Variants in PAPPA2 observed in about 807,000 individuals in gnomAD.
PAPPA2 encodes the protein pappalysin-2.
PAPPA2 carries 86 observed loss-of-function variants against 176.4 expected under a neutral mutation model. The ratio of observed to expected loss-of-function variants is 0.49; its 90% CI spans 0.41 to 0.58. The LOEUF (loss-of-function observed/expected upper bound fraction) is 0.58. Among genes scored for constraint, PAPPA2 ranks in the 20% least tolerant of loss-of-function variants. PAPPA2 has a pLI of 0.00. For synonymous variants in PAPPA2, 809 were observed against 852.2 expected, an observed-to-expected ratio of 0.95 and a Z score of 0.88; for missense variants, 2,073 against 2,256.9, an observed-to-expected ratio of 0.92 and a Z score of 1.65.
intron 1 of PAPPA2, among the ~76,000 whole-genome samples, chr1:176,528,839 C>G (rs182712188): frequency 1.3e-5 from 2 of 152,138 alleles, no homozygotes; most frequent in Non-Finnish European, 2.9e-5. Context: ...CTTTGCCATG[C>G]CTTCTCCCTG....
intron 21 of PAPPA2, among the ~76,000 whole-genome samples, chr1:176,838,061 C>T (rs1463725832): frequency 6.6e-6 from 1 of 152,074 alleles, no homozygotes; most frequent in African/African-American, 2.4e-5. Context: ...GTTCTCTTTC[C>T]AGATGACTCT....
At chr1:176,729,354 C>T (rs371244136) in intron 12 of PAPPA2, among the ~76,000 whole-genome samples, 3 of 151,968 alleles carry the variant, frequency 2.0e-5, no homozygotes, top group East Asian at 1.9e-4. Flanking sequence ...TCATCTGTTT[C>T]CTTTACCAGC....
At chr1:176,595,634 G>A (rs750604702) in intron 3 of PAPPA2, 39 bp downstream of exon 3, 7 of 1,547,586 alleles carry the variant, frequency 4.5e-6, no homozygotes, top group Non-Finnish European at 5.3e-6. Context: ...CTTGTAGGAT[G>A]CATTTCTAAC....
At chr1:176,494,953 G>C (rs1447767492) in intron 1 of PAPPA2, among the ~76,000 whole-genome samples, 1 of 152,172 alleles carries the variant, frequency 6.6e-6, no homozygotes, top group Non-Finnish European at 1.5e-5. Context: ...GTAGGTGAAG[G>C]AGGCTTGCAC....
chr1:176,711,953 T>A lies in PAPPA2; in HGVS notation c.3770T>A (p.Leu1257Gln), dbSNP rs376319655. 1.2e-6 allele frequency: 2 copies of A among 1,613,290 alleles called. No individual in the cohort carries two copies. Among genetic ancestry groups the A allele is most frequent in the African/African-American group, 2.7e-5 (2 of 74,984 alleles). ...AGGAGTGAACAGCCAGAAGGTAGCC[T>A]GAAGAAAGAGGATGAGGTTTGGCTC... is the stretch of plus-strand genomic sequence containing the variant. ...DDRSEQPEGS[L>Q]KKEDEVWLKV... Residue 1257 changes from leucine to glutamine, a missense_variant, in exon 12 of 23, where the codon CTG (leucine) becomes CAG (glutamine). Physicochemically the swap from Leu to Gln is moderately radical, Grantham distance 113. This residue lies in a region of PAPPA2 where 846 missense variants were observed against 857.9 expected (regional missense o/e 0.99). Coordinates refer to ENST00000367662, the MANE Select transcript of PAPPA2 (RefSeq NM_020318.3).
chr1:176,586,384 A>G (rs916275913), intron 2 of PAPPA2, among the ~76,000 whole-genome samples: 1 of 152,102 alleles, frequency 6.6e-6, no homozygotes, highest in African/African-American at 2.4e-5. Flanking sequence ...TTACATAGAT[A>G]TTTGTATGCC....
chr1:176,604,660 G>A (rs962329076), intron 3 of PAPPA2, among the ~76,000 whole-genome samples: 1 of 152,106 alleles, frequency 6.6e-6, no homozygotes. Flanking sequence ...GAAAAAAACT[G>A]CCAACCCCTG....
At chr1:176,749,474 A>G (rs1486201497) in intron 14 of PAPPA2, among the ~76,000 whole-genome samples, 2 of 152,222 alleles carry the variant, frequency 1.3e-5, no homozygotes, top group Non-Finnish European at 2.9e-5. Flanking sequence ...TGTAGTTTAC[A>G]TTAGAATTCA....
intron 4 of PAPPA2, among the ~76,000 whole-genome samples, chr1:176,684,479 A>G (rs531070807): frequency 6.6e-6 from 1 of 152,062 alleles, no homozygotes; most frequent in African/African-American, 2.4e-5. Context: ...TCCTGTTTCA[A>G]TGTGTCAGGC....
intron 4 of PAPPA2, among the ~76,000 whole-genome samples, chr1:176,674,659 T>C (rs1019609489): frequency 2.6e-5 from 4 of 152,086 alleles, no homozygotes; most frequent in South Asian, 2.1e-4. Flanking sequence ...TTTCCACTCA[T>C]TGATTAATGG....
intron 12 of PAPPA2, among the ~76,000 whole-genome samples, chr1:176,738,274 C>T (rs1312393838): frequency 1.3e-5 from 2 of 151,982 alleles, no homozygotes; most frequent in East Asian, 3.9e-4. Context: ...GGGGGAAAGA[C>T]ACTGTAAAAA....
chr1:176,556,033 T>G lies in PAPPA2; in HGVS notation c.-290T>G. 3.0e-6 allele frequency: 1 copy of G among 335,064 alleles called. No individual in the cohort carries two copies. The allele number at this position is 335,064 out of a possible 1,614,324, so 20.8% of individuals were successfully genotyped here. On this transcript the variant is annotated 5_prime_UTR_variant, in exon 2 of 23. Coordinates refer to ENST00000367662, the MANE Select transcript of PAPPA2 (RefSeq NM_020318.3). ...GGAAATTCAAAGGAACCAAGAGAAATTAACTTCGTTCTGCAAGGACTAAAG... is the reference window on the plus strand; with the variant it reads ...GGAAATTCAAAGGAACCAAGAGAAAGTAACTTCGTTCTGCAAGGACTAAAG...
intron 12 of PAPPA2, among the ~76,000 whole-genome samples, chr1:176,724,337 C>A (rs940982496): frequency 6.6e-6 from 1 of 152,078 alleles, no homozygotes; most frequent in Non-Finnish European, 1.5e-5. Context: ...GAGAAAGAAA[C>A]AGAAGGCATA....
At chr1:176,605,325 A>G (rs1463581498) in intron 3 of PAPPA2, among the ~76,000 whole-genome samples, 1 of 152,210 alleles carries the variant, frequency 6.6e-6, no homozygotes. Flanking sequence ...ATTGTAGGGA[A>G]CAGACCTGCT....
intron 3 of PAPPA2, among the ~76,000 whole-genome samples, chr1:176,597,394 CAGAT>C (rs1472066333): frequency 5.9e-5 from 9 of 152,280 alleles, no homozygotes; most frequent in African/African-American, 7.2e-5. Context: ...TTAAGGCTGA[CAGAT>C]AGCAAGCTTT....
chr1:176,641,403 C>G (rs1657080245), intron 3 of PAPPA2, among the ~76,000 whole-genome samples: 1 of 151,516 alleles, frequency 6.6e-6, no homozygotes, highest in Non-Finnish European at 1.5e-5. Context: ...CAGCTTTCTA[C>G]ATATGGCTAG....
intron 8 of PAPPA2, 108 bp from the exon 9 acceptor site, chr1:176,702,499 T>C: frequency 6.8e-7 from 1 of 1,473,744 alleles, no homozygotes; most frequent in Non-Finnish European, 9.1e-7. Context: ...GTTTAACCTT[T>C]ATGTTTCCCA....
At chr1:176,647,363 A>G (rs947453126) in intron 3 of PAPPA2, among the ~76,000 whole-genome samples, 25 of 151,446 alleles carry the variant, frequency 1.7e-4, no homozygotes, top group African/African-American at 5.8e-4. Flanking sequence ...TCTGTGGGTT[A>G]TCTCTTCACT....
At chr1:176,842,339 C>G (rs371119319) in intron 22 of PAPPA2, 41 bp from the exon 23 acceptor site, 4 of 1,540,652 alleles carry the variant, frequency 2.6e-6, no homozygotes, top group Non-Finnish European at 3.6e-6. Flanking sequence ...GTGAAGCTAT[C>G]ACAGAAATGA....
Sources: gnomAD v4.1 joint callset for allele counts (sites outside exome capture counted in the v4.1 genomes callset) on GRCh38, gnomAD v4.1.1 for gene constraint, gnomAD v4.1.1 regional missense constraint, MANE v1.5 for transcripts, NCBI Gene and HGNC (gene_info 2026-07-23, HGNC 2026-07-21) for gene names.